The following DLG2 variants were observed in gnomAD, a reference collection of about 807,000 sequenced individuals.
The protein encoded by DLG2 is disks large homolog 2.
In DLG2, 45 loss-of-function variants were observed where a neutral mutation model predicts 132.5. That is an observed-to-expected ratio of 0.34 (90% CI 0.27 to 0.44). The LOEUF is 0.44. Ranked by LOEUF, DLG2 falls within the 20% of genes least tolerant of loss-of-function variation. DLG2 has a pLI of 1.00. For synonymous variants in DLG2, 424 were observed against 419.6 expected (o/e 1.01, Z -0.13); for missense variants, 1,045 against 1,196.9 (o/e 0.87, Z 1.87).
intron 3 of DLG2, among the ~76,000 whole-genome samples, chr11:85,492,513 T>C (rs2153108291): frequency 6.6e-6 from 1 of 152,336 alleles, no homozygotes; most frequent in South Asian, 2.1e-4. Flanking sequence ...CATCTGTATT[T>C]CTGTTTTCTT....
chr11:84,204,333 T>G (rs182989855), intron 8 of DLG2, among the ~76,000 whole-genome samples: 1 of 152,086 alleles, frequency 6.6e-6, no homozygotes, highest in African/African-American at 2.4e-5. Context: ...AAAATAGAAA[T>G]AGAGAAATAC....
intron 18 of DLG2, among the ~76,000 whole-genome samples, chr11:83,680,487 T>C (rs1395118533): frequency 1.4e-4 from 21 of 152,114 alleles, no homozygotes; most frequent in Non-Finnish European, 3.1e-4. Flanking sequence ...ATTTGCTGAA[T>C]CTCCTATCTT....
rs76282621 is a variant in DLG2, at chr11:85,039,896, A to G, written c.357+71765T>C. Among the ~76,000 whole-genome samples, 21 of 152,034 alleles carry G rather than the reference A, an allele frequency of 1.4e-4. No individual in the cohort carries two copies. In the East Asian group the frequency reaches 4.1e-3, roughly 29 times the overall value. On this transcript the variant is annotated intron_variant, in intron 6 of 27. Coordinates refer to ENST00000376104, the MANE Select transcript of DLG2 (RefSeq NM_001142699.3). ...GAATGAATTTCCATAGATACTGTCT[A>G]ATTCACATTGGCAGTCCTTAGTAAT...
chr11:85,428,020 G>C lies in DLG2; in HGVS notation c.41-142655C>G, dbSNP rs570930633. Among the ~76,000 whole-genome samples, 205 of 152,224 alleles carry C rather than the reference G, an allele frequency of 1.3e-3. 1 individual carries two copies. Among genetic ancestry groups the C allele is most frequent in the Non-Finnish European group, 2.1e-3 (142 of 67,994 alleles). On this transcript the variant is annotated intron_variant, in intron 3 of 27. Transcript: ENST00000376104. ...GACTTTAAACCAACAAAGATCAAAA[G>C]AGACAAAGAAGGCCATTACATAATG... is the stretch of plus-strand genomic sequence containing the variant.
intron 7 of DLG2, among the ~76,000 whole-genome samples, chr11:84,330,011 C>T (rs3901448): frequency 6.6e-6 from 1 of 151,942 alleles, no homozygotes; most frequent in Non-Finnish European, 1.5e-5. Flanking sequence ...TAAGCTTTCA[C>T]ACCAATCTCA....
chr11:83,503,020 G>A (rs949232102), intron 21 of DLG2, among the ~76,000 whole-genome samples: 1 of 151,950 alleles, frequency 6.6e-6, no homozygotes, highest in Non-Finnish European at 1.5e-5. Flanking sequence ...TCCAGGCACT[G>A]TGCTAGGAAC....
At chr11:83,510,543 C>A (rs1312665065) in intron 21 of DLG2, among the ~76,000 whole-genome samples, 3 of 152,152 alleles carry the variant, frequency 2.0e-5, no homozygotes. Context: ...AGCCTGTAGT[C>A]CCGTTTTAGC....
chr11:85,583,787 T>C (rs189203034), intron 3 of DLG2, among the ~76,000 whole-genome samples: 49 of 152,284 alleles, frequency 3.2e-4, no homozygotes, highest in African/African-American at 7.5e-4. Flanking sequence ...CAATACCCAA[T>C]ACCAAATTGG....
In DLG2 at chr11:85,559,428, C is replaced by T. The variant is rs907593773; in HGVS notation, c.40+39229G>A. ...CCTCCCAAAGTGCTGGAATTATAGGCATGAGCCACTGCGCCCGGCCACATG... is the reference window on the plus strand; with the variant it reads ...CCTCCCAAAGTGCTGGAATTATAGGTATGAGCCACTGCGCCCGGCCACATG... On this transcript the variant is annotated intron_variant, in intron 3 of 27. Coordinates refer to ENST00000376104, the MANE Select transcript of DLG2 (RefSeq NM_001142699.3). Among the ~76,000 whole-genome samples the T allele has an allele frequency of 1.3e-4, 20 of 151,692 alleles. No homozygotes were observed. In the East Asian group the frequency reaches 3.7e-3, roughly 28 times the overall value.
intron 15 of DLG2, among the ~76,000 whole-genome samples, chr11:83,903,632 T>A (rs984318707): frequency 6.6e-6 from 1 of 152,158 alleles, no homozygotes; most frequent in Non-Finnish European, 1.5e-5. Flanking sequence ...TTAGGCAAAT[T>A]GGCAGCATCA....
rs1244229697 is a variant in DLG2 at position 83,753,802 on chromosome 11, C to G, written c.1825+32888G>C. On this transcript the variant is annotated intron_variant, in intron 18 of 27. Transcript: ENST00000376104. ...TATATATGTCATATATATGATATAT[C>G]ATATATATCATATATATATTTCATA... Among the ~76,000 whole-genome samples, 631 of 111,326 alleles carry G rather than the reference C, an allele frequency of 5.7e-3. 71 individuals carry two copies. The highest frequency in any genetic ancestry group is 0.021 in the African/African-American group (552 of 26,274). The allele number at this position is 111,326 out of a possible 152,430, so 73.0% of individuals were successfully genotyped here. A position where few individuals can be genotyped will look rare whatever the true frequency, so the allele number is the denominator to read the frequency against.
intron 3 of DLG2, among the ~76,000 whole-genome samples, chr11:85,523,309 A>G (rs2153181641): frequency 6.6e-6 from 1 of 152,276 alleles, no homozygotes; most frequent in East Asian, 1.9e-4. Context: ...AGCAGTGTGG[A>G]AACAGACTAA....
chr11:85,202,273 C>A (rs200969768), intron 4 of DLG2, among the ~76,000 whole-genome samples: 1 of 148,260 alleles, frequency 6.7e-6, no homozygotes, highest in African/African-American at 2.5e-5. Flanking sequence ...AATCAAATTG[C>A]AAAGGTTAAA....
At chr11:84,731,181 T>C (rs191539804) in intron 6 of DLG2, among the ~76,000 whole-genome samples, 1 of 152,232 alleles carries the variant, frequency 6.6e-6, no homozygotes, top group East Asian at 1.9e-4. Flanking sequence ...GTATTTGCTT[T>C]AGTTAGCATC....
Position 83,930,413 on chromosome 11 carries a change from G to C in DLG2, c.1411C>G (p.Pro471Ala), listed in dbSNP as rs181668459. Reference sequence around the variant, plus strand: ...AGGAAGCTTTTGTCACACTCAACAGGGGAATAGTGCCTGGGAGAAGCAGGC... The same window carrying C: ...AGGAAGCTTTTGTCACACTCAACAGCGGAATAGTGCCTGGGAGAAGCAGGC... Reference protein sequence around the residue: ...DKPASPRHYSPVECDKSFLLS... With the variant: ...DKPASPRHYSAVECDKSFLLS... Residue 471 changes from proline (P) to alanine (A), a missense_variant, in exon 15 of 28, where the codon CCT becomes GCT. Transcript: ENST00000376104. The C allele has an allele frequency of 1.9e-6, 3 of 1,614,064 alleles. No individual in the cohort carries two copies. The East Asian group carries it at 6.7e-5, about 36-fold the overall frequency.
intron 15 of DLG2, among the ~76,000 whole-genome samples, chr11:83,891,283 G>A (rs900024107): frequency 6.6e-6 from 1 of 152,042 alleles, no homozygotes; most frequent in African/African-American, 2.4e-5. Flanking sequence ...GGAGAGAATT[G>A]AGAGGATGCA....
intron 6 of DLG2, among the ~76,000 whole-genome samples, chr11:84,587,984 G>C (rs1462473601): frequency 6.6e-6 from 1 of 151,944 alleles, no homozygotes; most frequent in African/African-American, 2.4e-5. Context: ...TTCCTATTAC[G>C]ATAGCATCAC....
At chr11:84,902,334 A>C (rs1279444022) in intron 6 of DLG2, among the ~76,000 whole-genome samples, 1 of 152,142 alleles carries the variant, frequency 6.6e-6, no homozygotes, top group African/African-American at 2.4e-5. Flanking sequence ...TGTTTTTATA[A>C]AGTATCTGCT....
chr11:83,855,725 G>A (rs1290756117), intron 16 of DLG2, among the ~76,000 whole-genome samples: 1 of 152,058 alleles, frequency 6.6e-6, no homozygotes, highest in Non-Finnish European at 1.5e-5. Context: ...TAAGTTCAGG[G>A]ATACATCAGG....
Sources: gnomAD v4.1 joint callset for allele counts (sites outside exome capture counted in the v4.1 genomes callset) on GRCh38, gnomAD v4.1.1 for gene constraint, MANE v1.5 for transcripts, NCBI Gene and HGNC (gene_info 2026-07-23, HGNC 2026-07-21) for gene names.